The following ADARB1 variants were observed in gnomAD, a reference collection of about 807,000 sequenced individuals.
ADARB1 encodes double-stranded RNA-specific editase 1.
ADARB1 carries 10 observed loss-of-function variants against 52.4 expected under a neutral mutation model. That is an observed-to-expected ratio of 0.19 (90% CI 0.12 to 0.32). The LOEUF (loss-of-function observed/expected upper bound fraction) is 0.32, where lower values mean the gene tolerates loss of function less well. ADARB1 is among the 10% of genes least tolerant of loss of function. The pLI, the probability that ADARB1 is intolerant of heterozygous loss-of-function variation, is 1.00. For missense variants in ADARB1, 643 were observed against 922.3 expected (o/e 0.70, Z 3.92); for synonymous variants, 349 against 371.1 (o/e 0.94, Z 0.68).
At chr21:45,137,362 C>CTGAT (rs1425073321) in intron 2 of ADARB1, 1 of 152,296 alleles carries the variant, frequency 6.6e-6, no homozygotes, top group Non-Finnish European at 1.5e-5. Context: ...TTCTGGAAGA[C>CTGAT]TGATGACTGC....
chr21:45,109,111 C>T (rs1444085726), intron 1 of ADARB1, among the ~76,000 whole-genome samples: 2 of 151,926 alleles, frequency 1.3e-5, no homozygotes, highest in Non-Finnish European at 2.9e-5. Context: ...AATCACCAGT[C>T]TGCGCTGCTG....
rs528383808 is a variant in ADARB1, at chr21:45,097,588, G to T, written c.-220+22795G>T. On this transcript the variant is annotated intron_variant, in intron 1 of 10. Transcript: ENST00000348831. ...AGGCAGGAGTGATGGAGCATGGCTG[G>T]TGGGGACTTCAGACACATGTGCAAG... 2.0e-5 allele frequency among the ~76,000 whole-genome samples: 3 copies of T among 151,530 alleles called. No homozygotes were observed. The South Asian group carries it at 6.3e-4, about 32-fold the overall frequency.
At chr21:45,127,408 G>A (rs1256123603) in intron 1 of ADARB1, among the ~76,000 whole-genome samples, 1 of 152,190 alleles carries the variant, frequency 6.6e-6, no homozygotes, top group Non-Finnish European at 1.5e-5. Flanking sequence ...AGCATTTTCA[G>A]TGACAGCCCA....
intron 1 of ADARB1, among the ~76,000 whole-genome samples, chr21:45,111,151 C>T (rs564993694): frequency 2.6e-5 from 4 of 152,174 alleles, no homozygotes; most frequent in Non-Finnish European, 5.9e-5. Context: ...GCACACGGAG[C>T]GCTGCAGTCC....
intron 8 of ADARB1, among the ~76,000 whole-genome samples, chr21:45,194,224 T>G (rs1448517352): frequency 6.6e-6 from 1 of 152,112 alleles, no homozygotes; most frequent in Non-Finnish European, 1.5e-5. Flanking sequence ...ATGCACAGCC[T>G]CCCCATCATC....
chr21:45,151,707 C>T (rs2090299841), intron 2 of ADARB1, among the ~76,000 whole-genome samples: 1 of 152,160 alleles, frequency 6.6e-6, no homozygotes, highest in African/African-American at 2.4e-5. Context: ...TCTGCTTTGC[C>T]AGCCCTGAAT....
Position 45,225,284 on chromosome 21 carries a change from G to A in ADARB1, c.*3087G>A, listed in dbSNP as rs969257042. 1.0e-5 allele frequency: 12 copies of A among 1,169,220 alleles called. No individual in the cohort carries two copies. Among genetic ancestry groups the A allele is most frequent in the Non-Finnish European group, 1.3e-5 (12 of 948,612 alleles). The allele number at this position is 1,169,220 out of a possible 1,614,324, so 72.4% of individuals were successfully genotyped here. On this transcript the variant is annotated 3_prime_UTR_variant, in exon 11 of 11. Coordinates refer to ENST00000348831, the MANE Select transcript of ADARB1 (RefSeq NM_001112.4). ...CTCAGCTCTCATCACCTGGTCGTACGCCAGGCCCACCTCTTCCCAGCAAGG... is the reference window on the plus strand; with the variant it reads ...CTCAGCTCTCATCACCTGGTCGTACACCAGGCCCACCTCTTCCCAGCAAGG...
intron 1 of ADARB1, among the ~76,000 whole-genome samples, chr21:45,092,478 T>C (rs2086597899): frequency 6.6e-6 from 1 of 152,264 alleles, no homozygotes; most frequent in Non-Finnish European, 1.5e-5. Context: ...GAATTTACTC[T>C]TACCTTCAGG....
At chr21:45,125,432 T>A (rs2088512960) in intron 1 of ADARB1, among the ~76,000 whole-genome samples, 1 of 152,254 alleles carries the variant, frequency 6.6e-6, no homozygotes, top group South Asian at 2.1e-4. Flanking sequence ...CATCCTTCTC[T>A]GCATGTAGCC....
At chr21:45,177,587 A>T (rs2091754609) in intron 4 of ADARB1, 1 of 152,132 alleles carries the variant, frequency 6.6e-6, no homozygotes, top group South Asian at 2.1e-4. Context: ...TGCAAAAGTT[A>T]TTTTTTTGAC....
rs902747888 is a variant in ADARB1, at chr21:45,157,943, C to T, written c.-47-13667C>T. Among the ~76,000 whole-genome samples the T allele has an allele frequency of 6.6e-6, 1 of 152,204 alleles. No homozygotes were observed. Among genetic ancestry groups the T allele is most frequent in the Non-Finnish European group, 1.5e-5 (1 of 68,032 alleles). ...GTGAGTTGGCCCAGATGCAGTGGCA[C>T]ACACCACAAATTGCACAGCACCCCC... On this transcript the variant is annotated intron_variant, in intron 2 of 10. Coordinates refer to ENST00000348831, the MANE Select transcript of ADARB1 (RefSeq NM_001112.4). This position sits in a 1 kb window ranked among gnomAD's most constrained non-coding sequence, Gnocchi z 4.1.
At position 45,157,266 on chromosome 21, in the gene ADARB1, G is replaced by T. The variant is rs2090709237; in HGVS notation, c.-47-14344G>T. Among the ~76,000 whole-genome samples the T allele has an allele frequency of 6.6e-6, 1 of 152,228 alleles. No individual in the cohort carries two copies. The highest frequency in any genetic ancestry group is 1.5e-5 in the Non-Finnish European group (1 of 68,048). On this transcript the variant is annotated intron_variant, in intron 2 of 10. Coordinates refer to ENST00000348831, the MANE Select transcript of ADARB1 (RefSeq NM_001112.4). The surrounding 1 kb of genome is among the most constrained non-coding windows in gnomAD (Gnocchi z 4.1). ...TGTGAAATTGCACTTGAAATACCAT[G>T]GAAATTGGATCCAAAGCAGATTGAA...
At chr21:45,115,245 G>A (rs366235) in intron 1 of ADARB1, among the ~76,000 whole-genome samples, 149,878 of 152,318 alleles carry the variant, frequency 0.98, 73,739 homozygotes, top group East Asian at 1. Context: ...TTTGGTGCCA[G>A]TGACCGTCTG....
chr21:45,217,851 G>T (rs1569183805), intron 9 of ADARB1, among the ~76,000 whole-genome samples: 1 of 152,168 alleles, frequency 6.6e-6, no homozygotes, highest in African/African-American at 2.4e-5. Context: ...GAATGGCAGG[G>T]TCCTTTTTCT....
intron 8 of ADARB1, among the ~76,000 whole-genome samples, chr21:45,188,686 A>G (rs1283961686): frequency 1.3e-5 from 2 of 152,040 alleles, no homozygotes; most frequent in East Asian, 1.9e-4. Flanking sequence ...ATTTAAAGTA[A>G]TCACTGATAG....
intron 2 of ADARB1, among the ~76,000 whole-genome samples, chr21:45,134,041 T>C (rs867097115): frequency 1.8e-3 from 80 of 43,884 alleles, no homozygotes; most frequent in African/African-American, 4.5e-3. Flanking sequence ...GTGCGCCCGA[T>C]GGGTGTGTGT....
At chr21:45,124,428 G>A (rs1009473405) in intron 1 of ADARB1, among the ~76,000 whole-genome samples, 11 of 152,042 alleles carry the variant, frequency 7.2e-5, no homozygotes, top group Non-Finnish European at 1.2e-4. Context: ...GCTCTAGAGT[G>A]TGATGGTGCA....
At chr21:45,103,993 G>A (rs769068596) in intron 1 of ADARB1, among the ~76,000 whole-genome samples, 1 of 152,074 alleles carries the variant, frequency 6.6e-6, no homozygotes, top group Admixed American at 6.6e-5. Context: ...GAGTAGTCAG[G>A]GCACACTTAT....
intron 9 of ADARB1, among the ~76,000 whole-genome samples, chr21:45,213,961 T>C (rs1460468492): frequency 6.6e-6 from 1 of 152,220 alleles, no homozygotes; most frequent in Non-Finnish European, 1.5e-5. Context: ...TTTAGAAAAC[T>C]ATTAACCTGT....
Sources: allele counts gnomAD v4.1 joint callset (sites outside exome capture counted in the v4.1 genomes callset), GRCh38; gene constraint gnomAD v4.1.1; non-coding constraint Gnocchi (gnomAD v3.1); transcripts MANE v1.5; gene names NCBI Gene and HGNC (gene_info 2026-07-23, HGNC 2026-07-21).